PRMT7: variants seen among roughly 807,000 people sequenced by gnomAD.
The protein encoded by PRMT7 is protein arginine N-methyltransferase 7.
Under a neutral mutation model 85.4 loss-of-function variants are expected in PRMT7, and 75 were observed. The observed-to-expected ratio is 0.88, with a 90% CI of 0.73 to 1.06. The LOEUF (loss-of-function observed/expected upper bound fraction) is 1.06. PRMT7 is among the 50% of genes least tolerant of loss of function. The pLI is 0.00. For missense variants in PRMT7, 868 were observed against 915.2 expected (o/e 0.95, Z 0.67); for synonymous variants, 397 against 359.5 (o/e 1.10, Z -1.18).
intron 13 of PRMT7, 59 bp downstream of exon 13, chr16:68,347,737 G>A: frequency 6.6e-7 from 1 of 1,519,368 alleles, no homozygotes; most frequent in African/African-American, 1.4e-5. Context: ...TGGGTTGATG[G>A]CTTTGAAGTG....
chr16:68,313,190 G>A (rs1361128529), intron 2 of PRMT7, among the ~76,000 whole-genome samples: 1 of 152,120 alleles, frequency 6.6e-6, no homozygotes, highest in African/African-American at 2.4e-5. Flanking sequence ...AGACAAGAAA[G>A]GAATCCTATG....
At chr16:68,323,311 C>T (rs570503562) in intron 4 of PRMT7, among the ~76,000 whole-genome samples, 15 of 151,694 alleles carry the variant, frequency 9.9e-5, no homozygotes, top group Non-Finnish European at 1.5e-4. Flanking sequence ...CTCCACCTCC[C>T]GAGTTCAAGT....
chr16:68,321,493 GTGGGGTGTT>G, intron 4 of PRMT7, 31 bp downstream of exon 4: 2 of 1,581,512 alleles, frequency 1.3e-6, no homozygotes, highest in Non-Finnish European at 1.7e-6. Flanking sequence ...TTATCTTGAT[GTGGGGTGTT>G]TTGAAGTCTT....
intron 3 of PRMT7, among the ~76,000 whole-genome samples, chr16:68,318,051 TTACTTCTC>T (rs1291983455): frequency 1.3e-5 from 2 of 152,132 alleles, no homozygotes; most frequent in Admixed American, 1.3e-4. Context: ...CTTGGCCAAG[TTACTTCTC>T]TGAGCCTTAA....
At chr16:68,330,891 G>A (rs978052309) in intron 6 of PRMT7, among the ~76,000 whole-genome samples, 7 of 152,010 alleles carry the variant, frequency 4.6e-5, no homozygotes, top group Admixed American at 2.6e-4. Flanking sequence ...CACCGCGCCC[G>A]GCCTATCTTT....
intron 4 of PRMT7, chr16:68,322,294 G>A: frequency 2.7e-6 from 1 of 372,712 alleles, no homozygotes; most frequent in Non-Finnish European, 5.5e-6. Context: ...AGACTTCTTG[G>A]GCTTAAGCGA....
At position 68,337,544 on chromosome 16, in the gene PRMT7, T is replaced by G. The variant is rs939578442; in HGVS notation, c.477T>G (p.Tyr159Ter). ...TCGGGGAGGGGGCGCTGCCCTCCTA[T>G]GAGCACGCACACAGGCATCTCGTGG... Reference protein sequence around the residue: ...ELIGEGALPSYEHAHRHLVEE... With the variant: ...ELIGEGALPS Residue 159 changes from tyrosine to a stop codon, truncating the protein, a stop_gained, in exon 7 of 19, where the codon TAT (tyrosine) becomes TAG (stop). Transcript: ENST00000441236. LOFTEE classifies it high-confidence loss of function. The G allele has an allele frequency of 2.5e-6, 4 of 1,610,992 alleles. No homozygotes were observed. The highest frequency in any genetic ancestry group is 3.4e-6 in the Non-Finnish European group (4 of 1,177,788).
chr16:68,315,579 C>T (rs982756704), intron 2 of PRMT7: 2 of 268,700 alleles, frequency 7.4e-6, no homozygotes, highest in South Asian at 3.6e-5. Flanking sequence ...GAGGGCTGCA[C>T]CTAGATGAAC....
At chr16:68,312,674 G>A (rs745956893) in intron 2 of PRMT7, among the ~76,000 whole-genome samples, 5 of 152,200 alleles carry the variant, frequency 3.3e-5, no homozygotes, top group Non-Finnish European at 7.3e-5. Flanking sequence ...ATGAGGAGGG[G>A]TTCAGAGAAT....
chr16:68,345,400 G>T (rs2086207226), intron 9 of PRMT7, among the ~76,000 whole-genome samples: 1 of 152,206 alleles, frequency 6.6e-6, no homozygotes, highest in East Asian at 1.9e-4. Flanking sequence ...ATGGGGTGGG[G>T]ACTGGAGCCT....
rs2043559890 is a variant in PRMT7 at position 68,311,117 on chromosome 16, CT to C, written c.-219+19del. ...CGCGGCGGGTGAGGCGCTGGGTATG[CT>C]GGGAAGGTGGGGTCGCTTTGGGGTT... On this transcript the variant is annotated intron_variant, in intron 1 of 18. Transcript: ENST00000441236. The C allele has an allele frequency of 1.4e-6, 1 of 691,742 alleles. No individual in the cohort carries two copies. The highest frequency in any genetic ancestry group is 2.6e-6 in the Non-Finnish European group (1 of 381,556). 42.9% of individuals were successfully genotyped at this position (691,742 alleles called of 1,614,324 possible).
At chr16:68,316,106 G>T in intron 3 of PRMT7, 32 bp downstream of exon 3, 1 of 1,584,694 alleles carries the variant, frequency 6.3e-7, no homozygotes, top group Non-Finnish European at 8.7e-7. Flanking sequence ...GGCTGCAGCT[G>T]GGTGGGGCAC....
chr16:68,324,636 A>G, intron 4 of PRMT7, 47 bp from the exon 5 acceptor site: 2 of 1,606,010 alleles, frequency 1.2e-6, no homozygotes, highest in East Asian at 2.2e-5. Flanking sequence ...GCACCTTTCC[A>G]CTTACTTATA....
At position 68,347,288 on chromosome 16, in the gene PRMT7, G is replaced by T; in HGVS notation, c.1269G>T (p.Val423=). The change falls in exon 12 of 19, where the codon GTG becomes GTT. Residue 423 remains valine (V), a synonymous_variant. Coordinates refer to ENST00000441236, the MANE Select transcript of PRMT7 (RefSeq NM_019023.5). The part of the protein sequence containing the change: ...LLSVLAHHLG[V]EQVFTVESSA... ...CCGTGCTGGCCCATCACCTGGGGGT[G>T]GAGCAGGTACTGACATGCACCCTTG... The T allele has an allele frequency of 6.5e-7, 1 of 1,545,414 alleles. No homozygotes were observed. Among genetic ancestry groups the T allele is most frequent in the East Asian group, 2.4e-5 (1 of 41,092 alleles).
intron 14 of PRMT7, among the ~76,000 whole-genome samples, chr16:68,350,112 C>T (rs996526986): frequency 1.3e-5 from 2 of 152,186 alleles, no homozygotes; most frequent in Non-Finnish European, 2.9e-5. Context: ...TTGAGATTCA[C>T]CCATTTCGTT....
Position 68,345,699 on chromosome 16 carries a change from G to T in PRMT7, c.952G>T (p.Val318Leu). 1 of 1,613,322 alleles carries T rather than the reference G, an allele frequency of 6.2e-7. No homozygotes were observed. Residue 318 changes from valine (V) to leucine (L), a missense_variant, in exon 10 of 19, where the codon GTG (valine) becomes TTG (leucine). Transcript: ENST00000441236. ...GTGGCGGGACCACTGGATGCAGTGT[G>T]TGTACTTCCTGCCACAAGAGGAGCC... The part of the protein sequence containing the change: ...MQWRDHWMQC[V>L]YFLPQEEPVV...
intron 5 of PRMT7, chr16:68,328,385 G>A (rs1481589990): frequency 6.5e-6 from 1 of 153,096 alleles, no homozygotes; most frequent in African/African-American, 2.4e-5. Context: ...CTGTTTGTAT[G>A]TCTCTATAAA....
rs749603672 is a variant in PRMT7 at position 68,339,872 on chromosome 16, G to A, written c.831G>A (p.Val277=). Residue 277 remains valine, a synonymous_variant, in exon 9 of 19, where the codon GTG becomes GTA. Coordinates refer to ENST00000441236, the MANE Select transcript of PRMT7 (RefSeq NM_019023.5). ...CTCTGACATCTGGCCGAGCTCAGGTGGTTCTCTCGTGGTGGGACATTGAAA... is the reference window on the plus strand; with the variant it reads ...CTCTGACATCTGGCCGAGCTCAGGTAGTTCTCTCGTGGTGGGACATTGAAA... ...FEPLTSGRAQ[V]VLSWWDIEMD... The A allele has an allele frequency of 1.2e-6, 2 of 1,614,206 alleles. No individual in the cohort carries two copies. Among genetic ancestry groups the A allele is most frequent in the Non-Finnish European group, 1.7e-6 (2 of 1,180,032 alleles).
chr16:68,356,743 C>T lies in PRMT7; in HGVS notation c.1854C>T (p.His618=), dbSNP rs1408016096. Reference sequence around the variant, plus strand: ...CAGCGGTGCTATGGATGGAGTACCACCTGACCCCGGAGTGCACGCTCAGCA... The same window carrying T: ...CAGCGGTGCTATGGATGGAGTACCATCTGACCCCGGAGTGCACGCTCAGCA... ...SHAAVLWMEY[H]LTPECTLSTG... Residue 618 remains histidine (H), a synonymous_variant, in exon 18 of 19, where the codon CAC becomes CAT. Coordinates refer to ENST00000441236, the MANE Select transcript of PRMT7 (RefSeq NM_019023.5). 6.2e-7 allele frequency: 1 copy of T among 1,611,486 alleles called. No individual in the cohort carries two copies. Among genetic ancestry groups the T allele is most frequent in the Non-Finnish European group, 8.5e-7 (1 of 1,179,894 alleles).
Sources: allele counts gnomAD v4.1 joint callset (sites outside exome capture counted in the v4.1 genomes callset), GRCh38; gene constraint gnomAD v4.1.1; transcripts MANE v1.5; gene names NCBI Gene and HGNC (gene_info 2026-07-23, HGNC 2026-07-21).